AGBL4: variants seen among roughly 807,000 people sequenced by gnomAD.
AGBL4 encodes the protein cytosolic carboxypeptidase 6.
AGBL4 carries 58 observed loss-of-function variants against 66.4 expected under a neutral mutation model. That is an observed-to-expected ratio of 0.87 (90% CI 0.71 to 1.09). AGBL4 has a LOEUF of 1.09. AGBL4 is among the 50% of genes least tolerant of loss of function. The probability of loss-of-function intolerance (pLI) is 0.00; values close to 1 mark genes in which losing one functional copy is unlikely to be tolerated. For missense variants in AGBL4, 579 were observed against 631.0 expected (o/e 0.92, Z 0.88); for synonymous variants, 234 against 222.9 (o/e 1.05, Z -0.44).
intron 3 of AGBL4, among the ~76,000 whole-genome samples, chr1:49,658,734 C>G (rs996578234): frequency 6.6e-6 from 1 of 152,074 alleles, no homozygotes; most frequent in African/African-American, 2.4e-5. Context: ...TGGAAATCAT[C>G]ATTCTCAGCA....
chr1:49,165,039 G>C (rs1321508197), intron 4 of AGBL4, among the ~76,000 whole-genome samples: 1 of 152,070 alleles, frequency 6.6e-6, no homozygotes, highest in Non-Finnish European at 1.5e-5. Flanking sequence ...CTCCTAAATG[G>C]AGCAATGTAT....
chr1:49,028,461 C>T (rs1663915878), intron 5 of AGBL4, among the ~76,000 whole-genome samples: 1 of 152,146 alleles, frequency 6.6e-6, no homozygotes, highest in Non-Finnish European at 1.5e-5. Flanking sequence ...ATTATACATC[C>T]AATAAGTTCA....
intron 11 of AGBL4, among the ~76,000 whole-genome samples, chr1:48,557,099 T>G (rs184443763): frequency 6.6e-6 from 1 of 152,272 alleles, no homozygotes; most frequent in African/African-American, 2.4e-5. Flanking sequence ...CAAATATCTG[T>G]TTTTTTCACC....
intron 3 of AGBL4, among the ~76,000 whole-genome samples, chr1:49,656,996 G>C (rs973217655): frequency 1.1e-4 from 16 of 152,168 alleles, no homozygotes; most frequent in African/African-American, 3.9e-4. Context: ...AGTGTTGGAA[G>C]TTCTGGCCAG....
intron 5 of AGBL4, among the ~76,000 whole-genome samples, chr1:49,007,002 C>G (rs1242544383): frequency 1.9e-5 from 2 of 105,070 alleles, no homozygotes. Context: ...AGTTCCTCAC[C>G]AGCAACGGAA....
chr1:49,000,168 A>G (rs1447606991), intron 5 of AGBL4, among the ~76,000 whole-genome samples: 1 of 152,180 alleles, frequency 6.6e-6, no homozygotes. Context: ...AGATGGGGAC[A>G]CTAAGACTCA....
chr1:48,853,995 C>T (rs756768423), intron 6 of AGBL4, among the ~76,000 whole-genome samples: 2 of 152,314 alleles, frequency 1.3e-5, no homozygotes, highest in South Asian at 4.1e-4. Context: ...ATCAACAGAG[C>T]TCCTGTTCAT....
chr1:49,623,975 T>C (rs1645416955), intron 3 of AGBL4, among the ~76,000 whole-genome samples: 1 of 151,476 alleles, frequency 6.6e-6, no homozygotes, highest in Admixed American at 6.6e-5. Context: ...AATAAAACTT[T>C]TACTTCATAT....
chr1:48,574,462 G>T (rs1644617051), intron 11 of AGBL4, among the ~76,000 whole-genome samples: 1 of 151,996 alleles, frequency 6.6e-6, no homozygotes, highest in African/African-American at 2.4e-5. Context: ...TTTCTGGATG[G>T]CTTACCCAGG....
intron 3 of AGBL4, among the ~76,000 whole-genome samples, chr1:49,319,670 G>A (rs569248489): frequency 1.3e-5 from 2 of 152,094 alleles, no homozygotes; most frequent in Admixed American, 6.6e-5. Context: ...GTTTTATACT[G>A]CTATAAATAT....
At position 49,541,519 on chromosome 1, in the gene AGBL4, G is replaced by A. The variant is rs189592455; in HGVS notation, c.282+155794C>T. Among the ~76,000 whole-genome samples the A allele has an allele frequency of 4.4e-3, 668 of 152,314 alleles. 5 individuals are homozygous for A. Among genetic ancestry groups the A allele is most frequent in the African/African-American group, 0.015 (614 of 41,562 alleles). Reference sequence around the variant, plus strand: ...GTGCACCAGGTCCCCCAGCAGTGCCGGCCTGCCGGTGCTGTGCTCGAATTC... The same window carrying A: ...GTGCACCAGGTCCCCCAGCAGTGCCAGCCTGCCGGTGCTGTGCTCGAATTC... On this transcript the variant is annotated intron_variant, in intron 3 of 13. Coordinates refer to ENST00000371839, the MANE Select transcript of AGBL4 (RefSeq NM_032785.4).
At chr1:49,033,951 C>T (rs1269767335) in intron 5 of AGBL4, among the ~76,000 whole-genome samples, 1 of 151,726 alleles carries the variant, frequency 6.6e-6, no homozygotes, top group Non-Finnish European at 1.5e-5. Flanking sequence ...AAAAGGCATC[C>T]TAGTCCCACC....
intron 6 of AGBL4, among the ~76,000 whole-genome samples, chr1:48,749,125 G>A (rs1040526200): frequency 1.3e-5 from 2 of 152,144 alleles, no homozygotes; most frequent in East Asian, 1.9e-4. Context: ...GGTTCTCCCC[G>A]ACTTTGAGGA....
At chr1:49,906,147 T>TGC (rs1650254338) in intron 1 of AGBL4, among the ~76,000 whole-genome samples, 1 of 151,578 alleles carries the variant, frequency 6.6e-6, no homozygotes, top group African/African-American at 2.4e-5. Context: ...TGTGTGTGTG[T>TGC]GTGTAACTTG....
intron 2 of AGBL4, among the ~76,000 whole-genome samples, chr1:49,840,881 C>T (rs754658006): frequency 3.3e-5 from 5 of 152,158 alleles, no homozygotes; most frequent in African/African-American, 9.7e-5. Flanking sequence ...CTCTGGCAAA[C>T]CTATAGCCAA....
chr1:48,741,822 G>A (rs527894234), intron 6 of AGBL4, among the ~76,000 whole-genome samples: 1 of 152,310 alleles, frequency 6.6e-6, no homozygotes, highest in Admixed American at 6.5e-5. Context: ...TGCCACAGTG[G>A]CAGAGAACAT....
chr1:49,951,911 A>G (rs766218164), intron 1 of AGBL4, among the ~76,000 whole-genome samples: 4 of 151,900 alleles, frequency 2.6e-5, no homozygotes, highest in Non-Finnish European at 5.9e-5. Flanking sequence ...AGTAGAATGT[A>G]TATGGAAATA....
chr1:48,592,517 A>T (rs1644933891), intron 9 of AGBL4, among the ~76,000 whole-genome samples: 1 of 152,248 alleles, frequency 6.6e-6, no homozygotes, highest in South Asian at 2.1e-4. Flanking sequence ...GTGTGATATT[A>T]AACTCATCAT....
At chr1:48,760,529 T>C (rs1644201346) in intron 6 of AGBL4, among the ~76,000 whole-genome samples, 2 of 152,212 alleles carry the variant, frequency 1.3e-5, no homozygotes, top group African/African-American at 4.8e-5. Flanking sequence ...AAAGTGATCG[T>C]TACAATATGT....
Sources: allele counts gnomAD v4.1 joint callset (sites outside exome capture counted in the v4.1 genomes callset), GRCh38; gene constraint gnomAD v4.1.1; transcripts MANE v1.5; gene names NCBI Gene and HGNC (gene_info 2026-07-23, HGNC 2026-07-21).